The following HAVCR1 variants were observed in gnomAD, a reference collection of about 807,000 sequenced individuals.
HAVCR1 encodes the protein hepatitis A virus cellular receptor 1, also known as T cell immunoglobin domain and mucin domain protein 1.
Under a neutral mutation model 32.0 loss-of-function variants are expected in HAVCR1, and 34 were observed. The ratio of observed to expected loss-of-function variants is 1.06; its 90% CI spans 0.81 to 1.42. HAVCR1 has a LOEUF of 1.42. Among genes scored for constraint, HAVCR1 ranks in the 40% most tolerant of loss-of-function variants. HAVCR1 has a pLI of 0.00. For missense variants in HAVCR1, 420 were observed against 442.3 expected (o/e 0.95, Z 0.45); for synonymous variants, 178 against 170.3 (o/e 1.05, Z -0.35).
rs540137630 is a variant in HAVCR1, at chr5:157,037,393, C to G, written c.838-32G>C. On this transcript the variant is annotated intron_variant, in intron 6 of 8. Transcript: ENST00000523175. Reference sequence around the variant, plus strand: ...AAACAACAACAGATCAAAAAAGCATCTTGTTAGAAAGTTATGAAGAGAAAA... The same window carrying G: ...AAACAACAACAGATCAAAAAAGCATGTTGTTAGAAAGTTATGAAGAGAAAA... 28 of 970,300 alleles carry G rather than the reference C, an allele frequency of 2.9e-5. 1 individual carries two copies. The South Asian group carries it at 3.1e-4, about 11-fold the overall frequency. 60.1% of individuals were successfully genotyped at this position (970,300 alleles called of 1,614,324 possible).
rs769722548 is a variant in HAVCR1, at chr5:157,037,268, A to T, written c.931T>A (p.Leu311Met). 4.4e-6 allele frequency: 7 copies of T among 1,596,414 alleles called. No homozygotes were observed. The East Asian group carries it at 1.3e-4, about 31-fold the overall frequency. ...TTACTTTTGGCAATGATGACACCCAAAAGAGCAAGAAGCACCAAGACAGAA... is the reference window on the plus strand; with the variant it reads ...TTACTTTTGGCAATGATGACACCCATAAGAGCAAGAAGCACCAAGACAGAA... ...CISVLVLLALLGVIIAKKYFF... is the reference protein window; with the variant it reads ...CISVLVLLALMGVIIAKKYFF... The change falls in exon 7 of 9, where the codon TTG (leucine) becomes ATG (methionine). Residue 311 changes from leucine to methionine, a missense_variant. Transcript: ENST00000523175.
At chr5:157,042,360 T>C (rs1754955115) in intron 6 of HAVCR1, among the ~76,000 whole-genome samples, 1 of 148,544 alleles carries the variant, frequency 6.7e-6, no homozygotes, top group Non-Finnish European at 1.5e-5. Flanking sequence ...GAGAATGGCC[T>C]GAACCCGGGA....
rs1754258631 is a variant in HAVCR1, at chr5:157,032,871, C to CT, written c.968dup (p.Glu324GlyfsTer10). ...GAGCTTACCTTAGTTGTTGAACCTC[C>CT]TTTTTGAAGAAATACTCTAAATTGA... On this transcript the variant is annotated frameshift_variant, in exon 8 of 9. Coordinates refer to ENST00000523175, the MANE Select transcript of HAVCR1 (RefSeq NM_001173393.3). LOFTEE classifies it low-confidence loss of function (END_TRUNC). 1 of 1,575,142 alleles carries CT rather than the reference C, an allele frequency of 6.3e-7. No individual in the cohort carries two copies. The highest frequency in any genetic ancestry group is 8.7e-7 in the Non-Finnish European group (1 of 1,149,406).
At chr5:157,038,627 G>A (rs1374443016) in intron 6 of HAVCR1, among the ~76,000 whole-genome samples, 1 of 152,208 alleles carries the variant, frequency 6.6e-6, no homozygotes, top group Non-Finnish European at 1.5e-5. Flanking sequence ...TTTGAGCCAT[G>A]CTTGCTTAGA....
At chr5:157,061,042 C>T (rs1756479074), upstream of HAVCR1, among the ~76,000 whole-genome samples, 2 of 152,046 alleles carry the variant, frequency 1.3e-5, no homozygotes, top group African/African-American at 4.8e-5. Context: ...GGACTACAGA[C>T]ACGCGCCACC....
chr5:157,035,986 G>T (rs1290243350), intron 7 of HAVCR1, among the ~76,000 whole-genome samples: 1 of 152,166 alleles, frequency 6.6e-6, no homozygotes, highest in Non-Finnish European at 1.5e-5. Flanking sequence ...TTGAGCATCT[G>T]CAGATTTTGG....
chr5:157,044,366 G>GATGA (rs1408456965), intron 5 of HAVCR1, among the ~76,000 whole-genome samples: 8 of 82,592 alleles, frequency 9.7e-5, no homozygotes, highest in Admixed American at 1.8e-4. Context: ...AGAAAGAAAG[G>GATGA]ACGAAGGAAG....
chr5:157,045,579 G>A (rs1391732641), intron 5 of HAVCR1, among the ~76,000 whole-genome samples: 1 of 152,166 alleles, frequency 6.6e-6, no homozygotes, highest in Non-Finnish European at 1.5e-5. Context: ...TGTCTCCAGA[G>A]CAGATTTATA....
chr5:157,040,879 G>A (rs903952683), intron 6 of HAVCR1, among the ~76,000 whole-genome samples: 2 of 151,962 alleles, frequency 1.3e-5, no homozygotes, highest in African/African-American at 2.4e-5. Context: ...CAGCCTGGGC[G>A]ATGAAAGTAA....
Position 157,055,364 on chromosome 5 carries a change from C to T in HAVCR1, c.216G>A (p.Arg72=), listed in dbSNP as rs527766311. ...VWTNGTHVTY[R]KDTRYKLLGD... ...CCAATAGCTTATAGCGTGTGTCCTTCCGATAGGTGACGTGGGTTCCATTGG... is the reference window on the plus strand; with the variant it reads ...CCAATAGCTTATAGCGTGTGTCCTTTCGATAGGTGACGTGGGTTCCATTGG... Residue 72 remains arginine (R), a synonymous_variant, in exon 3 of 9, where the codon CGG becomes CGA. Transcript: ENST00000523175. The T allele has an allele frequency of 1.2e-6, 2 of 1,613,828 alleles. No homozygotes were observed. Among genetic ancestry groups the T allele is most frequent in the African/African-American group, 2.7e-5 (2 of 74,928 alleles).
At chr5:157,035,672 A>T (rs188014931) in intron 7 of HAVCR1, among the ~76,000 whole-genome samples, 1 of 152,202 alleles carries the variant, frequency 6.6e-6, no homozygotes, top group Non-Finnish European at 1.5e-5. Flanking sequence ...CTTATATATC[A>T]CAATGGTGTG....
chr5:157,057,991 CT>C, intron 1 of HAVCR1, 36 bp from the exon 2 acceptor site: 1 of 1,410,234 alleles, frequency 7.1e-7, no homozygotes, highest in Non-Finnish European at 1.0e-6. Context: ...GGTTGGTACC[CT>C]CCACCAGATG....
At chr5:157,061,578 G>A (rs1428644198), upstream of HAVCR1, among the ~76,000 whole-genome samples, 1 of 152,002 alleles carries the variant, frequency 6.6e-6, no homozygotes, top group Non-Finnish European at 1.5e-5. Flanking sequence ...GTGGTGGCGG[G>A]TGCCTGTAAT....
At chr5:157,064,339 CAA>C in the HAVCR1 span, among the ~76,000 whole-genome samples, 8 of 63,406 alleles carry the variant, frequency 1.3e-4, no homozygotes, top group African/African-American at 1.4e-4. Flanking sequence ...CCTGTCTCTA[CAA>C]AAAAAAAAAA....
At chr5:157,033,179 T>A (rs1178472121) in intron 7 of HAVCR1, among the ~76,000 whole-genome samples, 2 of 152,002 alleles carry the variant, frequency 1.3e-5, no homozygotes, top group African/African-American at 2.4e-5. Flanking sequence ...AATGAGTAAG[T>A]CCAAGATCCT....
rs189956138 is a variant in HAVCR1, at chr5:157,053,860, A to C, written c.380-1206T>G. Among the ~76,000 whole-genome samples the C allele has an allele frequency of 6.0e-5, 9 of 149,574 alleles. No homozygotes were observed. In the East Asian group the frequency reaches 1.8e-3, roughly 30 times the overall value. ...ACCCCAGCCTGGGCGACAGAGAAAG[A>C]CTCTGTCTCAAAAAAACAAAACAAA... is the stretch of plus-strand genomic sequence containing the variant. On this transcript the variant is annotated intron_variant, in intron 3 of 8. Coordinates refer to ENST00000523175, the MANE Select transcript of HAVCR1 (RefSeq NM_001173393.3).
chr5:157,031,325 A>C (rs1471180628), intron 8 of HAVCR1, among the ~76,000 whole-genome samples: 2 of 152,222 alleles, frequency 1.3e-5, no homozygotes, highest in Non-Finnish European at 2.9e-5. Context: ...GTCTGTGTAC[A>C]AGCATCCAAT....
chr5:157,067,501 C>T, the HAVCR1 span, among the ~76,000 whole-genome samples: 336 of 152,044 alleles, frequency 2.2e-3, 1 homozygote, highest in African/African-American at 7.5e-3. Context: ...CCCATCTCTA[C>T]AAAAAATAAA....
At chr5:157,049,594 C>A (rs113305154) in intron 4 of HAVCR1, among the ~76,000 whole-genome samples, 62 of 152,322 alleles carry the variant, frequency 4.1e-4, no homozygotes, top group African/African-American at 1.5e-3. Context: ...ACATGCCCTA[C>A]CCCCTTCACA....
Sources: gnomAD v4.1 joint callset for allele counts (sites outside exome capture counted in the v4.1 genomes callset) on GRCh38, gnomAD v4.1.1 for gene constraint, MANE v1.5 for transcripts, NCBI Gene and HGNC (gene_info 2026-07-23, HGNC 2026-07-21) for gene names.